The following PDE4D variants were observed in gnomAD, a reference collection of about 807,000 sequenced individuals.
PDE4D encodes the protein 3',5'-cyclic-AMP phosphodiesterase 4D.
In PDE4D, 24 loss-of-function variants were observed where a neutral mutation model predicts 87.4. The ratio of observed to expected loss-of-function variants is 0.27; its 90% CI spans 0.20 to 0.39. PDE4D has a LOEUF of 0.39. Among genes scored for constraint, PDE4D ranks in the 10% least tolerant of loss-of-function variants. The probability of loss-of-function intolerance (pLI) is 1.00; values close to 1 mark genes in which losing one functional copy is unlikely to be tolerated. For missense variants in PDE4D, 714 were observed against 1,041.0 expected, an observed-to-expected ratio of 0.69 and a Z score of 4.32; for synonymous variants, 384 against 383.2, an observed-to-expected ratio of 1.00 and a Z score of -0.02.
At chr5:60,360,272 A>T (rs1365640852) in intron 1 of PDE4D, among the ~76,000 whole-genome samples, 2 of 152,244 alleles carry the variant, frequency 1.3e-5, no homozygotes, top group Non-Finnish European at 2.9e-5. Context: ...AAGCTGTAAA[A>T]CACTGACCAG....
intron 5 of PDE4D, among the ~76,000 whole-genome samples, chr5:59,115,624 C>T (rs1441474436): frequency 6.6e-6 from 1 of 152,152 alleles, no homozygotes; most frequent in African/African-American, 2.4e-5. Flanking sequence ...TGCTTAGAGA[C>T]CTCCTTTGCT....
chr5:59,544,199 A>G (rs1197843848), intron 1 of PDE4D, among the ~76,000 whole-genome samples: 6 of 152,196 alleles, frequency 3.9e-5, no homozygotes, highest in African/African-American at 1.4e-4. Context: ...CTGGCAACAC[A>G]TTCCTGGATT....
intron 5 of PDE4D, among the ~76,000 whole-genome samples, chr5:59,155,082 T>G (rs775551137): frequency 2.0e-5 from 3 of 152,146 alleles, no homozygotes; most frequent in Non-Finnish European, 4.4e-5. Context: ...GTGAATAAAT[T>G]TGGAAATTGG....
intron 1 of PDE4D, among the ~76,000 whole-genome samples, chr5:59,661,984 G>A (rs533330724): frequency 6.6e-6 from 1 of 152,290 alleles, no homozygotes; most frequent in South Asian, 2.1e-4. Flanking sequence ...ATATATTGCT[G>A]AGACCCATTG....
intron 2 of PDE4D, among the ~76,000 whole-genome samples, chr5:59,202,033 A>ATTTTTTTTTTTTTTT (rs10641798): frequency 2.1e-5 from 2 of 95,258 alleles, no homozygotes; most frequent in Non-Finnish European, 3.7e-5. Context: ...TGTTTTGATC[A>ATTTTTTTTTTTTTTT]TTTTTTTTTT....
chr5:59,492,105 G>A (rs1806319326), intron 1 of PDE4D, among the ~76,000 whole-genome samples: 1 of 152,102 alleles, frequency 6.6e-6, no homozygotes, highest in Non-Finnish European at 1.5e-5. Flanking sequence ...CTAAATCTCT[G>A]CCTCCAAGTC....
intron 2 of PDE4D, among the ~76,000 whole-genome samples, chr5:60,018,636 T>C (rs1344970581): frequency 6.6e-6 from 1 of 152,014 alleles, no homozygotes; most frequent in Non-Finnish European, 1.5e-5. Flanking sequence ...AATAAAGGGA[T>C]GGAGGATAAT....
At chr5:58,991,731 C>A in intron 8 of PDE4D, 101 bp downstream of exon 8, 1 of 734,106 alleles carries the variant, frequency 1.4e-6, no homozygotes, top group African/African-American at 1.9e-5. Flanking sequence ...AAAAAAAACC[C>A]CAATTAATAA....
At chr5:60,075,687 T>A (rs897015478) in intron 2 of PDE4D, among the ~76,000 whole-genome samples, 2 of 152,170 alleles carry the variant, frequency 1.3e-5, no homozygotes, top group African/African-American at 4.8e-5. Flanking sequence ...TCTTATTTCT[T>A]GGAGGTTTTG....
Position 59,240,779 on chromosome 5 carries a change from AACACAC to A in PDE4D, c.456-24817_456-24812del, listed in dbSNP as rs747637745. The stretch of plus-strand genomic sequence containing the variant: ...ATGTGAGTCTTCGGAAAAATTCACA[AACACAC>A]ACACACACACACACACACACACATC... On this transcript the variant is annotated intron_variant, in intron 1 of 14. Transcript: ENST00000340635. 6.3e-4 allele frequency among the ~76,000 whole-genome samples: 49 copies of A among 78,124 alleles called. 1 individual carries two copies. In the East Asian group the frequency reaches 0.016, roughly 26 times the overall value. 51.3% of individuals were successfully genotyped at this position (78,124 alleles called of 152,430 possible).
At chr5:59,224,255 C>T (rs1753221045) in intron 1 of PDE4D, among the ~76,000 whole-genome samples, 1 of 150,950 alleles carries the variant, frequency 6.6e-6, no homozygotes, top group Non-Finnish European at 1.5e-5. Context: ...GCGCTCCAGT[C>T]TGGGTAACAC....
At chr5:59,229,864 T>C (rs1754747963) in intron 1 of PDE4D, among the ~76,000 whole-genome samples, 1 of 152,220 alleles carries the variant, frequency 6.6e-6, no homozygotes, top group African/African-American at 2.4e-5. Context: ...AATGGTGCGA[T>C]CTCGGCTCAC....
At chr5:59,609,397 C>CACACACACACACAT (rs1828681538) in intron 1 of PDE4D, among the ~76,000 whole-genome samples, 1 of 151,716 alleles carries the variant, frequency 6.6e-6, no homozygotes, top group Non-Finnish European at 1.5e-5. Context: ...CACACACACA[C>CACACACACACACAT]ACATATATAT....
intron 1 of PDE4D, among the ~76,000 whole-genome samples, chr5:60,263,562 T>A (rs1749869499): frequency 6.6e-6 from 1 of 152,222 alleles, no homozygotes; most frequent in African/African-American, 2.4e-5. Context: ...GGAAGTTGCC[T>A]GATTGCTCTT....
intron 5 of PDE4D, among the ~76,000 whole-genome samples, chr5:59,051,012 C>G (rs1041583506): frequency 3.9e-5 from 6 of 152,216 alleles, no homozygotes; most frequent in Non-Finnish European, 5.9e-5. Context: ...ATTTTTCCAT[C>G]ATCACCATCA....
At chr5:59,226,374 CA>C (rs918440195) in intron 1 of PDE4D, among the ~76,000 whole-genome samples, 2 of 152,018 alleles carry the variant, frequency 1.3e-5, no homozygotes, top group Non-Finnish European at 2.9e-5. Flanking sequence ...GACATTATGC[CA>C]AGTGAAATAA....
intron 1 of PDE4D, among the ~76,000 whole-genome samples, chr5:60,366,043 C>CA (rs201694311): frequency 0.087 from 6,151 of 70,560 alleles, 178 homozygotes; most frequent in East Asian, 0.16. Flanking sequence ...GACTCTGTCT[C>CA]AAAAAAAAAA....
At chr5:60,026,498 C>A (rs1766633088) in intron 2 of PDE4D, among the ~76,000 whole-genome samples, 1 of 152,114 alleles carries the variant, frequency 6.6e-6, no homozygotes, top group African/African-American at 2.4e-5. Context: ...TGAGGAAACA[C>A]CAAGACAAGA....
chr5:59,187,461 C>T (rs1271461021), intron 3 of PDE4D, among the ~76,000 whole-genome samples: 1 of 152,070 alleles, frequency 6.6e-6, no homozygotes, highest in Non-Finnish European at 1.5e-5. Flanking sequence ...TGGGGAGGGA[C>T]ACTCAGGGGA....
Sources: gnomAD v4.1 joint callset for allele counts (sites outside exome capture counted in the v4.1 genomes callset) on GRCh38, gnomAD v4.1.1 for gene constraint, MANE v1.5 for transcripts, NCBI Gene and HGNC (gene_info 2026-07-23, HGNC 2026-07-21) for gene names.